The following MICU1 variants were observed in gnomAD, a reference collection of about 807,000 sequenced individuals.
MICU1 encodes mitochondrial calcium uptake 1.
In MICU1, 45 loss-of-function variants were observed where a neutral mutation model predicts 56.8. That is an observed-to-expected ratio of 0.79 (90% confidence interval 0.62 to 1.02). The LOEUF is 1.02. Among genes scored for constraint, MICU1 ranks in the 50% least tolerant of loss-of-function variants. The pLI, the probability that MICU1 is intolerant of heterozygous loss-of-function variation, is 0.00. For missense variants in MICU1, 504 were observed against 587.1 expected (o/e 0.86, Z 1.46); for synonymous variants, 186 against 195.1 (o/e 0.95, Z 0.39).
chr10:72,423,483 T>C (rs959395721), intron 8 of MICU1, 112 bp from the exon 9 acceptor site: 2 of 1,289,286 alleles, frequency 1.6e-6, no homozygotes, highest in Non-Finnish European at 2.1e-6. Flanking sequence ...ACTGGGACTA[T>C]ATTTTTGAGG....
chr10:72,535,827 G>A (rs112314077), intron 4 of MICU1, among the ~76,000 whole-genome samples: 1 of 152,094 alleles, frequency 6.6e-6, no homozygotes, highest in Admixed American at 6.6e-5. Context: ...AATAACAAAT[G>A]CAAGTCACAT....
chr10:72,593,084 C>T (rs775889300), intron 1 of MICU1, among the ~76,000 whole-genome samples: 81 of 151,974 alleles, frequency 5.3e-4, no homozygotes, highest in Non-Finnish European at 8.8e-4. Context: ...CCATGCCCAC[C>T]CAATTCCATA....
intron 10 of MICU1, among the ~76,000 whole-genome samples, chr10:72,386,083 C>G (rs1470740713): frequency 6.6e-6 from 1 of 152,252 alleles, no homozygotes; most frequent in Non-Finnish European, 1.5e-5. Flanking sequence ...ACTGCGATTT[C>G]ATCCTTGTTA....
At chr10:72,446,129 C>T (rs1012684359) in intron 8 of MICU1, among the ~76,000 whole-genome samples, 9 of 152,054 alleles carry the variant, frequency 5.9e-5, no homozygotes, top group African/African-American at 1.7e-4. Context: ...TTTTCAGAAA[C>T]GCTGCACCAC....
intron 3 of MICU1, among the ~76,000 whole-genome samples, chr10:72,552,240 C>G (rs1445491088): frequency 6.6e-6 from 1 of 152,038 alleles, no homozygotes; most frequent in Non-Finnish European, 1.5e-5. Context: ...GGAATAGCAA[C>G]AAAATCAAGT....
rs1178823534 is a variant in MICU1, at chr10:72,569,237, A to ATTTTTTT, written c.-1-2450_-1-2444dup. ...TATATATATATATATATATATATAT[A>ATTTTTTT]TTTTTTTTTTTTTTTGAGATGGCGT... On this transcript the variant is annotated intron_variant, in intron 1 of 11. Transcript: ENST00000361114. Among the ~76,000 whole-genome samples the ATTTTTTT allele has an allele frequency of 1.3e-3, 44 of 34,362 alleles. 5 individuals are homozygous for ATTTTTTT. The highest frequency in any genetic ancestry group is 3.0e-3 in the Admixed American group (5 of 1,650). 22.5% of individuals were successfully genotyped at this position (34,362 alleles called of 152,430 possible). A position where few individuals can be genotyped will look rare whatever the true frequency, so the allele number is the denominator to read the frequency against.
chr10:72,465,214 G>A (rs1453461295), intron 8 of MICU1, among the ~76,000 whole-genome samples: 1 of 151,798 alleles, frequency 6.6e-6, no homozygotes, highest in Admixed American at 6.6e-5. Flanking sequence ...TGTTGGCCAG[G>A]CTTGAACTCC....
At chr10:72,399,913 G>A (rs1863396887) in intron 10 of MICU1, among the ~76,000 whole-genome samples, 2 of 152,156 alleles carry the variant, frequency 1.3e-5, no homozygotes, top group Admixed American at 1.3e-4. Context: ...AGCTGAAACT[G>A]CGCCGCTGAA....
chr10:72,569,043 C>T (rs533374999), intron 1 of MICU1, among the ~76,000 whole-genome samples: 10 of 150,470 alleles, frequency 6.6e-5, no homozygotes, highest in African/African-American at 1.9e-4. Context: ...CATGAGCCAC[C>T]GCGCCTGGCT....
At position 72,563,656 on chromosome 10, in the gene MICU1, T is replaced by A. The variant is rs539564527; in HGVS notation, c.162-593A>T. Reference sequence around the variant, plus strand: ...AACGTTCTGGAGATCTGTTTCACAATGATGTGAATACCCTTTAAACTACTG... The same window carrying A: ...AACGTTCTGGAGATCTGTTTCACAAAGATGTGAATACCCTTTAAACTACTG... On this transcript the variant is annotated intron_variant, in intron 2 of 11. Coordinates refer to ENST00000361114, the MANE Select transcript of MICU1 (RefSeq NM_001195518.2). Among the ~76,000 whole-genome samples, 5 of 152,368 alleles carry A rather than the reference T, an allele frequency of 3.3e-5. No individual in the cohort carries two copies. The East Asian group carries it at 9.6e-4, about 29-fold the overall frequency.
chr10:72,603,105 G>T (rs1050312874), intron 1 of MICU1, among the ~76,000 whole-genome samples: 1 of 151,934 alleles, frequency 6.6e-6, no homozygotes, highest in African/African-American at 2.4e-5. Context: ...CTCTGTTCCC[G>T]GCTGGGAACA....
chr10:72,570,460 A>G (rs540902968), intron 1 of MICU1, among the ~76,000 whole-genome samples: 21 of 152,312 alleles, frequency 1.4e-4, no homozygotes, highest in African/African-American at 5.1e-4. Flanking sequence ...CTTGCTCCTA[A>G]CATTTAAGTA....
In MICU1 at chr10:72,375,792, CAA is replaced by C; in HGVS notation, c.1259_1260del (p.Phe420Ter). The C allele has an allele frequency of 1.2e-6, 2 of 1,612,752 alleles. No individual in the cohort carries two copies. Among genetic ancestry groups the C allele is most frequent in the Non-Finnish European group, 1.7e-6 (2 of 1,179,468 alleles). ...DHVCDVVFAL[F>X]DCDGNGELSN... is the part of the protein sequence containing the mutation. ...AGAGGGCCCCACTCACCATCACAGT[CAA>C]AGAGTGCAAACACCACATCACACAC... On this transcript the variant is annotated frameshift_variant, in exon 11 of 12. Transcript: ENST00000361114. LOFTEE classifies it high-confidence loss of function.
At chr10:72,376,293 G>T (rs944006997) in intron 10 of MICU1, among the ~76,000 whole-genome samples, 13 of 151,806 alleles carry the variant, frequency 8.6e-5, no homozygotes, top group Admixed American at 8.5e-4. Flanking sequence ...AAGAAAAAAT[G>T]ATAATTGAGT....
intron 6 of MICU1, among the ~76,000 whole-genome samples, chr10:72,491,379 A>G (rs1866649709): frequency 6.6e-6 from 1 of 152,166 alleles, no homozygotes; most frequent in Admixed American, 6.5e-5. Context: ...ATTACCCTTT[A>G]GTTTACCTGC....
intron 8 of MICU1, among the ~76,000 whole-genome samples, chr10:72,451,491 C>T (rs541840686): frequency 1.3e-5 from 2 of 152,296 alleles, no homozygotes; most frequent in East Asian, 1.9e-4. Flanking sequence ...AGAGATCTAC[C>T]TTCAAGAGTA....
At chr10:72,542,026 G>A (rs1294277732) in intron 4 of MICU1, among the ~76,000 whole-genome samples, 6 of 152,066 alleles carry the variant, frequency 3.9e-5, no homozygotes, top group African/African-American at 1.4e-4. Flanking sequence ...CAAAAGTAAG[G>A]GAAATGTAGT....
intron 1 of MICU1, among the ~76,000 whole-genome samples, chr10:72,581,218 T>C (rs1355800582): frequency 1.3e-5 from 2 of 152,240 alleles, no homozygotes; most frequent in African/African-American, 4.8e-5. Flanking sequence ...ATACGTGCAA[T>C]GCTGCTTTTT....
In MICU1 at chr10:72,587,464, C is replaced by CAAAA. The variant is rs35303837; in HGVS notation, c.-1-20674_-1-20671dup. Among the ~76,000 whole-genome samples, 230 of 92,836 alleles carry CAAAA rather than the reference C, an allele frequency of 2.5e-3. 5 individuals are homozygous for CAAAA. The highest frequency in any genetic ancestry group is 8.5e-3 in the African/African-American group (199 of 23,432). The allele number at this position is 92,836 out of a possible 152,430, so 60.9% of individuals were successfully genotyped here. ...GGACAACAAGAGTGGCAGCATGTCT[C>CAAAA]AAAAAAAAAAAAAAAAAAAAATAGG... On this transcript the variant is annotated intron_variant, in intron 1 of 11. Coordinates refer to ENST00000361114, the MANE Select transcript of MICU1 (RefSeq NM_001195518.2).
Sources: allele counts gnomAD v4.1 joint callset (sites outside exome capture counted in the v4.1 genomes callset), GRCh38; gene constraint gnomAD v4.1.1; transcripts MANE v1.5; gene names NCBI Gene and HGNC (gene_info 2026-07-23, HGNC 2026-07-21).